MAP7: variants seen among roughly 807,000 people sequenced by gnomAD.
MAP7 encodes ensconsin.
A neutral mutation model predicts 94.8 loss-of-function variants in MAP7; 52 were observed. The observed-to-expected ratio is 0.55, with a 90% CI of 0.44 to 0.69. MAP7 has a LOEUF of 0.69. Among genes scored for constraint, MAP7 ranks in the 30% least tolerant of loss-of-function variants. The probability of loss-of-function intolerance (pLI) is 0.00; values close to 1 mark genes in which losing one functional copy is unlikely to be tolerated. For synonymous variants in MAP7, 350 were observed against 357.0 expected (o/e 0.98, Z 0.22); for missense variants, 940 against 964.6 (o/e 0.97, Z 0.34).
At chr6:136,530,681 T>C (rs1330211742) in intron 1 of MAP7, among the ~76,000 whole-genome samples, 2 of 145,200 alleles carry the variant, frequency 1.4e-5, no homozygotes, top group Middle Eastern at 3.2e-3. Flanking sequence ...TTCTGCCATC[T>C]TGCAGCATCA....
At chr6:136,542,172 T>C (rs2129060527) in intron 1 of MAP7, among the ~76,000 whole-genome samples, 1 of 152,284 alleles carries the variant, frequency 6.6e-6, no homozygotes, top group South Asian at 2.1e-4. Context: ...TAATAATTAC[T>C]GAAGAGAAAA....
chr6:136,359,426 T>C (rs1791890657), intron 15 of MAP7, among the ~76,000 whole-genome samples: 1 of 152,212 alleles, frequency 6.6e-6, no homozygotes, highest in South Asian at 2.1e-4. Flanking sequence ...AAGTCCTTTC[T>C]TAAGAGGAAA....
intron 1 of MAP7, among the ~76,000 whole-genome samples, chr6:136,547,808 A>C (rs1322760179): frequency 6.6e-6 from 1 of 152,096 alleles, no homozygotes; most frequent in East Asian, 1.9e-4. Flanking sequence ...CTGTCAATTC[A>C]TCTTTGATAC....
intron 1 of MAP7, among the ~76,000 whole-genome samples, chr6:136,509,522 G>T (rs1390009630): frequency 6.6e-6 from 1 of 152,152 alleles, no homozygotes; most frequent in African/African-American, 2.4e-5. Context: ...CAAAGTGCTA[G>T]GATTACAGGC....
intron 1 of MAP7, among the ~76,000 whole-genome samples, chr6:136,511,944 G>C (rs1222389437): frequency 6.6e-6 from 1 of 152,176 alleles, no homozygotes; most frequent in Non-Finnish European, 1.5e-5. Context: ...GAATGGTCTA[G>C]CTCTAGAATT....
intron 1 of MAP7, among the ~76,000 whole-genome samples, chr6:136,511,563 T>C (rs371384064): frequency 1.4e-4 from 22 of 152,252 alleles, no homozygotes; most frequent in East Asian, 1.4e-3. Context: ...GGTGGCTTAA[T>C]GAGATGCACT....
intron 3 of MAP7, among the ~76,000 whole-genome samples, chr6:136,394,433 T>G (rs1159342200): frequency 6.6e-6 from 1 of 152,148 alleles, no homozygotes; most frequent in Non-Finnish European, 1.5e-5. Flanking sequence ...TTAATTTTTT[T>G]TTATGTTTTT....
chr6:136,435,121 T>C (rs1796035126), intron 1 of MAP7, among the ~76,000 whole-genome samples: 1 of 152,210 alleles, frequency 6.6e-6, no homozygotes, highest in Non-Finnish European at 1.5e-5. Flanking sequence ...TTTCATACTT[T>C]ACAACATCCA....
chr6:136,524,551 C>A (rs1268848462), intron 1 of MAP7, among the ~76,000 whole-genome samples: 1 of 152,146 alleles, frequency 6.6e-6, no homozygotes, highest in Non-Finnish European at 1.5e-5. Context: ...CATTTGATTT[C>A]TGAGGTCATT....
chr6:136,476,992 C>T (rs1811133220), intron 1 of MAP7, among the ~76,000 whole-genome samples: 1 of 152,206 alleles, frequency 6.6e-6, no homozygotes, highest in East Asian at 1.9e-4. Context: ...ACTAATTGAT[C>T]CAGGCAAGAA....
Position 136,402,250 on chromosome 6 carries a change from T to C in MAP7, c.244+9370A>G, listed in dbSNP as rs150516432. Among the ~76,000 whole-genome samples, 565 of 152,372 alleles carry C rather than the reference T, an allele frequency of 3.7e-3. 7 individuals are homozygous for C. Among genetic ancestry groups the C allele is most frequent in the African/African-American group, 0.013 (538 of 41,594 alleles). On this transcript the variant is annotated intron_variant, in intron 3 of 17. Coordinates refer to ENST00000354570, the MANE Select transcript of MAP7 (RefSeq NM_003980.6). ...GGTAGCTACTCTGCTTTTATGTGTTTGTGAATTCTTCCCTATACACACAAT... is the reference window on the plus strand; with the variant it reads ...GGTAGCTACTCTGCTTTTATGTGTTCGTGAATTCTTCCCTATACACACAAT...
chr6:136,457,907 C>T (rs1337253086), intron 1 of MAP7, among the ~76,000 whole-genome samples: 1 of 152,104 alleles, frequency 6.6e-6, no homozygotes, highest in African/African-American at 2.4e-5. Flanking sequence ...CCCACTCTCA[C>T]CACTTCTATT....
chr6:136,383,709 G>A lies in MAP7; in HGVS notation c.599C>T (p.Ser200Phe), dbSNP rs144054836. 2 of 1,610,748 alleles carry A rather than the reference G, an allele frequency of 1.2e-6. No homozygotes were observed. The highest frequency in any genetic ancestry group is 1.7e-6 in the Non-Finnish European group (2 of 1,178,206). Residue 200 changes from serine (S) to phenylalanine (F), a missense_variant, in exon 6 of 18, where the codon TCC (serine) becomes TTC (phenylalanine). Physicochemically the swap from Ser to Phe is radical, Grantham distance 155 (BLOSUM62 -2). Transcript: ENST00000354570. Reference protein sequence around the residue: ...YVDPVISKRLSSSSATLLNSP... With the variant: ...YVDPVISKRLFSSSATLLNSP... ...ATTTAGTAAAGTTGCAGATGAAGAG[G>A]AGAGCCGCTTGCTAATGACGGGATC...
chr6:136,435,250 G>A (rs2128820392), intron 1 of MAP7, among the ~76,000 whole-genome samples: 1 of 152,290 alleles, frequency 6.6e-6, no homozygotes, highest in South Asian at 2.1e-4. Flanking sequence ...AACAATTACT[G>A]AGTGGAGGTT....
At chr6:136,538,151 G>C (rs1356046031) in intron 1 of MAP7, among the ~76,000 whole-genome samples, 5 of 152,186 alleles carry the variant, frequency 3.3e-5, no homozygotes, top group African/African-American at 1.2e-4. Context: ...AGTGAGAAAT[G>C]TGCCTCACCC....
intron 5 of MAP7, among the ~76,000 whole-genome samples, chr6:136,384,284 G>A (rs147487237): frequency 6.6e-5 from 10 of 151,808 alleles, no homozygotes; most frequent in Non-Finnish European, 1.3e-4. Flanking sequence ...AAGAAGGCTC[G>A]TTGTTGTTGT....
intron 1 of MAP7, among the ~76,000 whole-genome samples, chr6:136,506,746 T>C (rs117851621): frequency 1.3e-3 from 192 of 152,334 alleles, no homozygotes; most frequent in Middle Eastern, 3.4e-3. Context: ...CCTGAAGACT[T>C]CGTTCTATAT....
At chr6:136,438,474 A>T (rs1796965013) in intron 1 of MAP7, among the ~76,000 whole-genome samples, 1 of 152,178 alleles carries the variant, frequency 6.6e-6, no homozygotes, top group Admixed American at 6.5e-5. Flanking sequence ...AAGAACTAAG[A>T]TGGGGTTCAG....
chr6:136,471,170 C>T (rs1808852296), intron 1 of MAP7, among the ~76,000 whole-genome samples: 2 of 152,100 alleles, frequency 1.3e-5, no homozygotes, highest in Admixed American at 6.5e-5. Flanking sequence ...AATTGAAAAG[C>T]TAAAAGCACA....
Sources: gnomAD v4.1 joint callset for allele counts (sites outside exome capture counted in the v4.1 genomes callset) on GRCh38, gnomAD v4.1.1 for gene constraint, MANE v1.5 for transcripts, NCBI Gene and HGNC (gene_info 2026-07-23, HGNC 2026-07-21) for gene names.